SLC22A16: variants seen among roughly 807,000 people sequenced by gnomAD.
SLC22A16 encodes the protein WUGSC:RG331P03.1.
SLC22A16 carries 53 observed loss-of-function variants against 52.9 expected under a neutral mutation model. That is an observed-to-expected ratio of 1.00 (90% CI 0.80 to 1.26). The LOEUF is 1.26. SLC22A16 is among the 50% of genes most tolerant of loss of function. The pLI, the probability that SLC22A16 is intolerant of heterozygous loss-of-function variation, is 0.00. For synonymous variants in SLC22A16, 291 were observed against 268.8 expected (o/e 1.08, Z -0.81); for missense variants, 726 against 704.0 (o/e 1.03, Z -0.35).
chr6:110,464,827 AAC>A (rs1696586054), intron 1 of SLC22A16, among the ~76,000 whole-genome samples: 1 of 151,982 alleles, frequency 6.6e-6, no homozygotes. Context: ...ATCTGATAAG[AAC>A]ACATCAAAAA....
intron 1 of SLC22A16, among the ~76,000 whole-genome samples, chr6:110,463,596 C>A (rs931757236): frequency 6.8e-6 from 1 of 147,942 alleles, no homozygotes; most frequent in Non-Finnish European, 1.5e-5. Flanking sequence ...ATTTAACTAT[C>A]CTAAATACAT....
chr6:110,435,717 C>T, intron 6 of SLC22A16, 135 bp downstream of exon 6: 1 of 612,762 alleles, frequency 1.6e-6, no homozygotes, highest in Non-Finnish European at 2.9e-6. Flanking sequence ...TGAGTATCAG[C>T]ATGTCATTTT....
chr6:110,455,406 A>G (rs1213951744), intron 2 of SLC22A16: 1 of 152,152 alleles, frequency 6.6e-6, no homozygotes, highest in Non-Finnish European at 1.5e-5. Flanking sequence ...GGCCCTGCCC[A>G]TAACAAAGCC....
intron 6 of SLC22A16, among the ~76,000 whole-genome samples, chr6:110,433,981 C>T (rs1273214692): frequency 6.6e-6 from 1 of 152,190 alleles, no homozygotes; most frequent in Admixed American, 6.5e-5. Flanking sequence ...TGGCTCACAC[C>T]TGTAATCCTA....
chr6:110,470,905 G>A (rs1776238753), intron 1 of SLC22A16, among the ~76,000 whole-genome samples: 1 of 152,164 alleles, frequency 6.6e-6, no homozygotes, highest in African/African-American at 2.4e-5. Context: ...CTGGTACAAG[G>A]TTTGACATTC....
At chr6:110,468,460 C>T (rs995306977) in intron 1 of SLC22A16, among the ~76,000 whole-genome samples, 13 of 152,058 alleles carry the variant, frequency 8.5e-5, no homozygotes, top group Non-Finnish European at 1.8e-4. Context: ...GCCTGGCCAA[C>T]ATGGTGAAAC....
intron 2 of SLC22A16, among the ~76,000 whole-genome samples, chr6:110,453,110 T>C (rs898118234): frequency 2.6e-5 from 4 of 152,244 alleles, no homozygotes; most frequent in Non-Finnish European, 5.9e-5. Context: ...TCACTTTGTA[T>C]TTCTAGATGT....
At chr6:110,466,917 A>ATAGG (rs1284989170) in intron 1 of SLC22A16, among the ~76,000 whole-genome samples, 2 of 120,362 alleles carry the variant, frequency 1.7e-5, no homozygotes, top group Non-Finnish European at 3.5e-5. Flanking sequence ...AATGTGATAG[A>ATAGG]TAGATAGATA....
At chr6:110,439,252 T>C (rs555999589) in intron 4 of SLC22A16, among the ~76,000 whole-genome samples, 2 of 152,360 alleles carry the variant, frequency 1.3e-5, no homozygotes, top group South Asian at 4.1e-4. Flanking sequence ...TGTGTGTTTG[T>C]CTTTGGAAAC....
chr6:110,430,975 G>T (rs1253615723), intron 7 of SLC22A16, among the ~76,000 whole-genome samples, 196 bp downstream of exon 7: 1 of 152,202 alleles, frequency 6.6e-6, no homozygotes, highest in Non-Finnish European at 1.5e-5. Context: ...GTGGTGGAAG[G>T]CCACCAATGG....
At chr6:110,467,710 A>T (rs982860535) in intron 1 of SLC22A16, among the ~76,000 whole-genome samples, 1 of 152,382 alleles carries the variant, frequency 6.6e-6, no homozygotes, top group South Asian at 2.1e-4. Context: ...GTGTGCACAG[A>T]TGTGCATGTA....
chr6:110,429,428 G>T (rs953182254), intron 7 of SLC22A16, among the ~76,000 whole-genome samples: 1 of 152,208 alleles, frequency 6.6e-6, no homozygotes, highest in African/African-American at 2.4e-5. Flanking sequence ...AACTCCAGGG[G>T]ATACCAAGCA....
In SLC22A16 at chr6:110,458,191, G is replaced by C. The variant is rs929493556; in HGVS notation, c.54-1174C>G. Among the ~76,000 whole-genome samples the C allele has an allele frequency of 1.3e-5, 2 of 152,138 alleles. 1 individual carries two copies. Among genetic ancestry groups the C allele is most frequent in the Non-Finnish European group, 2.9e-5 (2 of 68,008 alleles). ...CCCGCCTCGGTTGCCAAACAGGGAA[G>C]GGCCCCCTGTCCACTGGACACGTGA... On this transcript the variant is annotated intron_variant, in intron 1 of 7. Coordinates refer to ENST00000368919, the MANE Select transcript of SLC22A16 (RefSeq NM_033125.4).
At chr6:110,425,323 T>C (rs7756222) in intron 7 of SLC22A16, 804,019 of 1,454,050 alleles carry the variant, frequency 0.55, 228,388 homozygotes, top group African/African-American at 0.87. Flanking sequence ...CACCATGGAG[T>C]GCCTCCTTAA....
intron 1 of SLC22A16, chr6:110,476,299 C>G: frequency 7.4e-7 from 1 of 1,342,888 alleles, no homozygotes; most frequent in Non-Finnish European, 9.6e-7. Flanking sequence ...CCGAGCGAGC[C>G]CAGCGCCTCT....
Position 110,435,883 on chromosome 6 carries a change from A to G in SLC22A16, c.1390T>C (p.Tyr464His), listed in dbSNP as rs1242035477. 11 of 1,613,644 alleles carry G rather than the reference A, an allele frequency of 6.8e-6. 1 individual carries two copies. The Middle Eastern group carries it at 1.6e-3, about 242-fold the overall frequency. Reference protein sequence around the residue: ...IGAAFGLIYLYTAELYPTIVR... With the variant: ...IGAAFGLIYLHTAELYPTIVR... ...ATGGTTGGATACAGCTCAGCTGTAT[A>G]AAGATAAATGAGGCCAAATGCTGCC... The change falls in exon 6 of 8, where the codon TAT becomes CAT. Residue 464 changes from tyrosine to histidine, a missense_variant. Physicochemically the swap from Tyr to His is moderately conservative, Grantham distance 83 (BLOSUM62 2). Transcript: ENST00000368919.
At chr6:110,456,388 A>G in intron 2 of SLC22A16, 150 bp downstream of exon 2, 1 of 975,738 alleles carries the variant, frequency 1.0e-6, no homozygotes, top group Non-Finnish European at 1.5e-6. Context: ...ATCATTATAC[A>G]TCCCTAAATA....
chr6:110,443,914 C>T (rs1775071324), intron 3 of SLC22A16, among the ~76,000 whole-genome samples: 1 of 152,102 alleles, frequency 6.6e-6, no homozygotes, highest in African/African-American at 2.4e-5. Context: ...CTAGAGTGGC[C>T]AAACTCATAG....
At chr6:110,456,269 C>T in intron 2 of SLC22A16, 1 of 410,942 alleles carries the variant, frequency 2.4e-6, no homozygotes, top group Non-Finnish European at 4.3e-6. Flanking sequence ...AGCCTATAGA[C>T]AAAGATTCTG....
Sources: allele counts gnomAD v4.1 joint callset (sites outside exome capture counted in the v4.1 genomes callset), GRCh38; gene constraint gnomAD v4.1.1; transcripts MANE v1.5; gene names NCBI Gene and HGNC (gene_info 2026-07-23, HGNC 2026-07-21).